Variants in CNTNAP2 observed in about 807,000 individuals in gnomAD.
CNTNAP2 encodes the protein contactin-associated protein-like 2.
A neutral mutation model predicts 155.2 loss-of-function variants in CNTNAP2; 98 were observed. The observed-to-expected ratio is 0.63, with a 90% confidence interval of 0.54 to 0.75. The LOEUF (loss-of-function observed/expected upper bound fraction) is 0.75. Among genes scored for constraint, CNTNAP2 ranks in the 30% least tolerant of loss-of-function variants. The pLI, the probability that CNTNAP2 is intolerant of heterozygous loss-of-function variation, is 0.00. For missense variants in CNTNAP2, 1,727 were observed against 1,688.1 expected, an observed-to-expected ratio of 1.02 and a Z score of -0.40; for synonymous variants, 651 against 631.2, an observed-to-expected ratio of 1.03 and a Z score of -0.47.
chr7:146,834,055 T>C (rs1453211831), intron 2 of CNTNAP2, among the ~76,000 whole-genome samples: 1 of 152,180 alleles, frequency 6.6e-6, no homozygotes, highest in Non-Finnish European at 1.5e-5. Context: ...CAGCCAGTTA[T>C]TAAAGGTAGT....
intron 1 of CNTNAP2, among the ~76,000 whole-genome samples, chr7:146,374,082 G>A (rs897132683): frequency 1.3e-5 from 2 of 152,024 alleles, no homozygotes; most frequent in African/African-American, 2.4e-5. Context: ...CCTTTGGGAA[G>A]CAAAATAGAC....
At chr7:147,428,600 C>T (rs1797418117) in intron 10 of CNTNAP2, among the ~76,000 whole-genome samples, 2 of 152,158 alleles carry the variant, frequency 1.3e-5, no homozygotes, top group South Asian at 4.1e-4. Flanking sequence ...GAAGTTACCA[C>T]TTTCTTTTAC....
chr7:148,344,269 A>C (rs994351960), intron 21 of CNTNAP2, among the ~76,000 whole-genome samples: 4 of 152,166 alleles, frequency 2.6e-5, no homozygotes, highest in Admixed American at 6.5e-5. Context: ...GATAATATGG[A>C]GAGCAAAACC....
intron 15 of CNTNAP2, among the ~76,000 whole-genome samples, chr7:148,099,023 C>T (rs181524047): frequency 2.2e-4 from 33 of 152,170 alleles, no homozygotes; most frequent in African/African-American, 7.7e-4. Flanking sequence ...CGAGAACAGC[C>T]GGGGACAGTG....
intron 5 of CNTNAP2, among the ~76,000 whole-genome samples, chr7:147,109,888 G>C (rs1162837683): frequency 7.0e-6 from 1 of 143,866 alleles, no homozygotes; most frequent in Non-Finnish European, 1.5e-5. Flanking sequence ...TGGGGTTGTT[G>C]TTATTTGTAT....
At position 148,170,967 on chromosome 7, in the gene CNTNAP2, A is replaced by G. The variant is rs115714495; in HGVS notation, c.2774-1275A>G. Among the ~76,000 whole-genome samples the G allele has an allele frequency of 8.5e-3, 1,288 of 152,262 alleles. 21 individuals carry two copies. Among genetic ancestry groups the G allele is most frequent in the African/African-American group, 0.03 (1,236 of 41,528 alleles). On this transcript the variant is annotated intron_variant, in intron 17 of 23. Transcript: ENST00000361727. ...AACATGTACATCTATGAGACCCCTG[A>G]CTGGAAAGTTCTTCTCGGTATTAAG...
chr7:147,256,151 G>C (rs1303648682), intron 8 of CNTNAP2, among the ~76,000 whole-genome samples: 3 of 152,180 alleles, frequency 2.0e-5, no homozygotes, highest in African/African-American at 4.8e-5. Context: ...ATTGAAGTGA[G>C]GAAGACTGGG....
At chr7:147,574,121 A>G (rs1800344763) in intron 12 of CNTNAP2, among the ~76,000 whole-genome samples, 1 of 151,942 alleles carries the variant, frequency 6.6e-6, no homozygotes, top group Non-Finnish European at 1.5e-5. Context: ...AATGCTTTTC[A>G]TTGTGGTTTT....
At chr7:147,676,568 A>G (rs1211741153) in intron 13 of CNTNAP2, among the ~76,000 whole-genome samples, 2 of 151,954 alleles carry the variant, frequency 1.3e-5, no homozygotes, top group Non-Finnish European at 2.9e-5. Flanking sequence ...TATATGGCTA[A>G]CTATAGTCTC....
chr7:147,799,468 A>G (rs919317218), intron 13 of CNTNAP2, among the ~76,000 whole-genome samples: 3 of 152,298 alleles, frequency 2.0e-5, no homozygotes, highest in East Asian at 1.9e-4. Flanking sequence ...CTGTGTCTCC[A>G]ATGTGATATG....
At chr7:148,032,127 G>A (rs1376833166) in intron 15 of CNTNAP2, among the ~76,000 whole-genome samples, 1 of 152,154 alleles carries the variant, frequency 6.6e-6, no homozygotes, top group Non-Finnish European at 1.5e-5. Context: ...TGCTAGGGAG[G>A]GGCTTAGGCA....
intron 14 of CNTNAP2, among the ~76,000 whole-genome samples, chr7:147,916,388 G>A (rs1029357565): frequency 5.3e-5 from 8 of 152,052 alleles, no homozygotes; most frequent in African/African-American, 1.4e-4. Flanking sequence ...GTGTCAATAC[G>A]GTTTGGCCAC....
chr7:146,599,000 T>C (rs1798905985), intron 1 of CNTNAP2, among the ~76,000 whole-genome samples: 1 of 152,046 alleles, frequency 6.6e-6, no homozygotes, highest in Non-Finnish European at 1.5e-5. Context: ...ATTCCAACCT[T>C]TTAGCTTTGG....
intron 1 of CNTNAP2, among the ~76,000 whole-genome samples, chr7:146,742,516 GATA>G (rs1326878564): frequency 1.3e-5 from 2 of 152,204 alleles, no homozygotes; most frequent in Non-Finnish European, 2.9e-5. Flanking sequence ...TGTATGAGGT[GATA>G]ATTTTAAGTC....
At chr7:147,980,933 C>CAAAAAAAAAAAAAA (rs34927518) in intron 15 of CNTNAP2, among the ~76,000 whole-genome samples, 3 of 94,006 alleles carry the variant, frequency 3.2e-5, no homozygotes, top group African/African-American at 4.4e-5. Context: ...TCCATCTTAA[C>CAAAAAAAAAAAAAA]AAAAAAAAAA....
At chr7:146,960,289 A>G (rs920827323) in intron 3 of CNTNAP2, among the ~76,000 whole-genome samples, 20 of 152,276 alleles carry the variant, frequency 1.3e-4, no homozygotes, top group African/African-American at 4.6e-4. Flanking sequence ...TTCTTTAAAC[A>G]TTCTTATTAC....
intron 13 of CNTNAP2, among the ~76,000 whole-genome samples, chr7:147,777,195 C>A (rs1392202815): frequency 6.6e-6 from 1 of 152,134 alleles, no homozygotes; most frequent in East Asian, 1.9e-4. Context: ...ACAAAATTTA[C>A]CTTCTTCAAG....
chr7:147,539,215 T>G (rs981228136), intron 11 of CNTNAP2, among the ~76,000 whole-genome samples: 2 of 152,164 alleles, frequency 1.3e-5, no homozygotes, highest in African/African-American at 2.4e-5. Flanking sequence ...TCCAGAGTAA[T>G]GGTCCTTGGG....
At chr7:147,738,379 G>A (rs1161205485) in intron 13 of CNTNAP2, among the ~76,000 whole-genome samples, 1 of 150,026 alleles carries the variant, frequency 6.7e-6, no homozygotes, top group Non-Finnish European at 1.5e-5. Context: ...TTCATGAAAG[G>A]AAGTCAATTG....
Sources: gnomAD v4.1 joint callset for allele counts (sites outside exome capture counted in the v4.1 genomes callset) on GRCh38, gnomAD v4.1.1 for gene constraint, MANE v1.5 for transcripts, NCBI Gene and HGNC (gene_info 2026-07-23, HGNC 2026-07-21) for gene names.